TCEA1: variants seen among roughly 807,000 people sequenced by gnomAD.
TCEA1 encodes transcription elongation factor A1.
Under a neutral mutation model 43.8 loss-of-function variants are expected in TCEA1, and 21 were observed. That is an observed-to-expected ratio of 0.48 (90% CI 0.34 to 0.69). The LOEUF (loss-of-function observed/expected upper bound fraction) is 0.69. Ranked by LOEUF, TCEA1 falls within the 30% of genes least tolerant of loss-of-function variation. The pLI is 0.01. For synonymous variants in TCEA1, 104 were observed against 117.5 expected (o/e 0.88, Z 0.75); for missense variants, 250 against 365.1 (o/e 0.68, Z 2.57).
chr8:54,016,248 G>A (rs189164282), intron 1 of TCEA1, among the ~76,000 whole-genome samples: 6 of 152,120 alleles, frequency 3.9e-5, no homozygotes, highest in East Asian at 1.9e-4. Flanking sequence ...AGGCCGAGGC[G>A]GGCAGATCAT....
chr8:54,016,978 CAA>C (rs1159105172), intron 1 of TCEA1, among the ~76,000 whole-genome samples: 2,708 of 67,320 alleles, frequency 0.04, 54 homozygotes, highest in African/African-American at 0.1. Context: ...GACTCCGTCT[CAA>C]AAAAAAAAAA....
At chr8:54,013,793 A>T in intron 1 of TCEA1, among the ~76,000 whole-genome samples, 1 of 152,200 alleles carries the variant, frequency 6.6e-6, no homozygotes, top group Non-Finnish European at 1.5e-5. Context: ...GGTGACAACA[A>T]ACTTTGAGTG....
At chr8:53,980,166 T>G (rs904868232) in intron 7 of TCEA1, among the ~76,000 whole-genome samples, 1 of 152,210 alleles carries the variant, frequency 6.6e-6, no homozygotes, top group South Asian at 2.1e-4. Flanking sequence ...GTACCTCTAG[T>G]ATCCAGATTA....
At chr8:53,996,080 G>C (rs1331832937) in intron 3 of TCEA1, among the ~76,000 whole-genome samples, 1 of 152,196 alleles carries the variant, frequency 6.6e-6, no homozygotes, top group East Asian at 1.9e-4. Context: ...ATTTAAAAGG[G>C]AAAACTGATA....
intron 3 of TCEA1, among the ~76,000 whole-genome samples, chr8:53,998,886 AT>A (rs1424698789): frequency 6.6e-6 from 1 of 152,204 alleles, no homozygotes; most frequent in Non-Finnish European, 1.5e-5. Flanking sequence ...CAAAATGTCA[AT>A]TTCATAAAAG....
chr8:53,986,433 C>T (rs1467955733), intron 6 of TCEA1, among the ~76,000 whole-genome samples: 1 of 152,168 alleles, frequency 6.6e-6, no homozygotes, highest in Non-Finnish European at 1.5e-5. Context: ...GCCTGTCCTG[C>T]CAAGTACATA....
chr8:53,973,437 G>A, intron 8 of TCEA1: 1 of 499,508 alleles, frequency 2.0e-6, no homozygotes, highest in Non-Finnish European at 3.8e-6. Context: ...ACTTCCCTCT[G>A]ATGTTGATAT....
chr8:54,019,322 C>A (rs989411618), intron 1 of TCEA1, among the ~76,000 whole-genome samples: 1 of 152,140 alleles, frequency 6.6e-6, no homozygotes, highest in African/African-American at 2.4e-5. Context: ...GTAATCCCAG[C>A]ACTCTGGGAG....
At chr8:53,971,528 T>C (rs1803156150) in intron 8 of TCEA1, 1 of 153,136 alleles carries the variant, frequency 6.5e-6, no homozygotes, top group African/African-American at 2.4e-5. Flanking sequence ...GAAGAATAAC[T>C]TGAACCCCTG....
chr8:54,020,728 C>T (rs553316961), intron 1 of TCEA1, among the ~76,000 whole-genome samples: 95 of 152,112 alleles, frequency 6.2e-4, no homozygotes, highest in African/African-American at 2.2e-3. Context: ...TGAGCAGATG[C>T]TTTTTAACTC....
At chr8:54,005,177 C>G (rs74483174) in intron 2 of TCEA1, among the ~76,000 whole-genome samples, 452 of 152,342 alleles carry the variant, frequency 3.0e-3, no homozygotes, top group Non-Finnish European at 5.1e-3. Context: ...TATGCTATTA[C>G]TTCCCAAATA....
Position 53,967,651 on chromosome 8 carries a change from T to C in TCEA1, c.*453A>G, listed in dbSNP as rs1229865835. The stretch of plus-strand genomic sequence containing the variant: ...AGTATTATTTGAATACACACCATAT[T>C]TGGTAAACCTAAAATTATATTACCT... On this transcript the variant is annotated 3_prime_UTR_variant, in exon 10 of 10. Transcript: ENST00000521604. 2.4e-5 allele frequency: 5 copies of C among 204,970 alleles called. No homozygotes were observed. The highest frequency in any genetic ancestry group is 6.9e-5 in the African/African-American group (3 of 43,708). 12.7% of individuals were successfully genotyped at this position (204,970 alleles called of 1,614,324 possible).
chr8:54,017,912 G>A (rs1364534135), intron 1 of TCEA1, among the ~76,000 whole-genome samples: 5 of 152,106 alleles, frequency 3.3e-5, no homozygotes, highest in African/African-American at 9.7e-5. Context: ...ATGACTGCAT[G>A]AGTTATACTA....
At chr8:53,989,281 G>C (rs557586808) in intron 4 of TCEA1, among the ~76,000 whole-genome samples, 16 of 152,194 alleles carry the variant, frequency 1.1e-4, no homozygotes, top group African/African-American at 3.6e-4. Flanking sequence ...AGCTTCTTAC[G>C]TTGGATTATC....
rs558788906 is a variant in TCEA1 at position 53,982,613 on chromosome 8, CAAAAAAAAAAAAA to C, written c.678+1737_678+1749del. Among the ~76,000 whole-genome samples the C allele has an allele frequency of 1.2e-4, 7 of 57,802 alleles. No homozygotes were observed. In the South Asian group the frequency reaches 3.9e-3, roughly 32 times the overall value. The allele number at this position is 57,802 out of a possible 152,430, so 37.9% of individuals were successfully genotyped here. A position where few individuals can be genotyped will look rare whatever the true frequency, so the allele number is the denominator to read the frequency against. On this transcript the variant is annotated intron_variant, in intron 7 of 9. Coordinates refer to ENST00000521604, the MANE Select transcript of TCEA1 (RefSeq NM_006756.4). ...ACAACAGTGAAACTCCATTCCCCAC[CAAAAAAAAAAAAA>C]AAAAAAAAAAATGAAAGTAACCACA...
intron 1 of TCEA1, among the ~76,000 whole-genome samples, chr8:54,013,068 G>A (rs1019854040): frequency 6.7e-6 from 1 of 150,122 alleles, no homozygotes; most frequent in African/African-American, 2.5e-5. Flanking sequence ...TTCTGACCAA[G>A]AATCTCTTAA....
At chr8:54,014,433 G>A (rs897541552) in intron 1 of TCEA1, among the ~76,000 whole-genome samples, 1 of 151,970 alleles carries the variant, frequency 6.6e-6, no homozygotes, top group African/African-American at 2.4e-5. Flanking sequence ...AACAGAATGA[G>A]ATCCCACCTC....
chr8:54,019,698 T>C (rs1266839945), intron 1 of TCEA1, among the ~76,000 whole-genome samples: 1 of 152,130 alleles, frequency 6.6e-6, no homozygotes, highest in Non-Finnish European at 1.5e-5. Context: ...ACACATTTTG[T>C]TGAATTACTG....
intron 2 of TCEA1, among the ~76,000 whole-genome samples, chr8:54,008,497 T>A (rs1056444578): frequency 1.3e-5 from 2 of 151,830 alleles, no homozygotes; most frequent in Admixed American, 6.6e-5. Flanking sequence ...AAAATTTTTT[T>A]AATTAGCCAA....
Sources: gnomAD v4.1 joint callset for allele counts (sites outside exome capture counted in the v4.1 genomes callset) on GRCh38, gnomAD v4.1.1 for gene constraint, MANE v1.5 for transcripts, NCBI Gene and HGNC (gene_info 2026-07-23, HGNC 2026-07-21) for gene names.